EPHA3: variants seen among roughly 807,000 people sequenced by gnomAD.
The protein encoded by EPHA3 is EPH receptor A3.
Under a neutral mutation model 107.1 loss-of-function variants are expected in EPHA3, and 42 were observed. That is an observed-to-expected ratio of 0.39 (90% confidence interval 0.31 to 0.51). The LOEUF is 0.51. Among genes scored for constraint, EPHA3 ranks in the 20% least tolerant of loss-of-function variants. The pLI, the probability that EPHA3 is intolerant of heterozygous loss-of-function variation, is 0.78. For synonymous variants in EPHA3, 461 were observed against 424.8 expected (o/e 1.09, Z -1.05); for missense variants, 1,183 against 1,211.2 (o/e 0.98, Z 0.35).
At chr3:89,432,556 C>T (rs1264939571) in intron 13 of EPHA3, among the ~76,000 whole-genome samples, 1 of 152,020 alleles carries the variant, frequency 6.6e-6, no homozygotes, top group Admixed American at 6.6e-5. Flanking sequence ...AGGCATGGAC[C>T]ACCAGCCCCA....
intron 3 of EPHA3, among the ~76,000 whole-genome samples, chr3:89,249,245 T>C (rs1234762432): frequency 1.3e-5 from 2 of 152,228 alleles, no homozygotes; most frequent in African/African-American, 4.8e-5. Flanking sequence ...CTCATTATTT[T>C]ATAAGAGCAC....
At chr3:89,386,455 T>C (rs1708625247) in intron 5 of EPHA3, among the ~76,000 whole-genome samples, 1 of 152,160 alleles carries the variant, frequency 6.6e-6, no homozygotes, top group South Asian at 2.1e-4. Context: ...CTTGGCAGCT[T>C]CTTCCTAGTG....
At position 89,210,441 on chromosome 3, in the gene EPHA3, T is replaced by C. The variant is rs749048039; in HGVS notation, c.735T>C (p.Ser245=). 1 of 1,611,768 alleles carries C rather than the reference T, an allele frequency of 6.2e-7. No individual in the cohort carries two copies. Among genetic ancestry groups the C allele is most frequent in the Non-Finnish European group, 8.5e-7 (1 of 1,179,038 alleles). The change falls in exon 3 of 17, where the codon AGT becomes AGC. Residue 245 remains serine (S), a synonymous_variant. Coordinates refer to ENST00000336596, the MANE Select transcript of EPHA3 (RefSeq NM_005233.6). Reference sequence around the variant, plus strand: ...AAGATCCTCCAAGGATGTACTGCAGTACAGAAGGCGAATGGCTTGTACCCA... The same window carrying C: ...AAGATCCTCCAAGGATGTACTGCAGCACAGAAGGCGAATGGCTTGTACCCA... The part of the protein sequence containing the change: ...KEEDPPRMYC[S]TEGEWLVPIG...
At chr3:89,223,148 T>C (rs1245480763) in intron 3 of EPHA3, among the ~76,000 whole-genome samples, 1 of 152,188 alleles carries the variant, frequency 6.6e-6, no homozygotes, top group Non-Finnish European at 1.5e-5. Context: ...CATGACAACA[T>C]GTATGCTGCT....
intron 1 of EPHA3, among the ~76,000 whole-genome samples, chr3:89,112,471 C>G (rs900718102): frequency 1.3e-5 from 2 of 151,922 alleles, no homozygotes; most frequent in Non-Finnish European, 2.9e-5. Flanking sequence ...ATTTTTAATA[C>G]TTTTCCACAA....
At chr3:89,162,213 A>G (rs1308287554) in intron 2 of EPHA3, among the ~76,000 whole-genome samples, 1 of 152,074 alleles carries the variant, frequency 6.6e-6, no homozygotes, top group Admixed American at 6.5e-5. Flanking sequence ...AAGTAAGACA[A>G]TCCTGGACAT....
At chr3:89,268,439 C>T (rs888453029) in intron 3 of EPHA3, among the ~76,000 whole-genome samples, 4 of 152,046 alleles carry the variant, frequency 2.6e-5, no homozygotes, top group Non-Finnish European at 5.9e-5. Context: ...AGTGCATTCT[C>T]AGAAATTTAA....
chr3:89,128,398 T>A (rs1249889836), intron 2 of EPHA3, among the ~76,000 whole-genome samples: 1 of 151,942 alleles, frequency 6.6e-6, no homozygotes, highest in Non-Finnish European at 1.5e-5. Context: ...TTCCCAGAGG[T>A]GTAAAAGGAA....
intron 3 of EPHA3, among the ~76,000 whole-genome samples, chr3:89,294,717 G>A (rs1366165509): frequency 3.3e-5 from 5 of 151,898 alleles, no homozygotes; most frequent in Non-Finnish European, 7.4e-5. Flanking sequence ...TCAGTATTTG[G>A]ACATATAGAG....
intron 5 of EPHA3, among the ~76,000 whole-genome samples, chr3:89,384,407 A>G (rs1708573225): frequency 6.6e-6 from 1 of 152,228 alleles, no homozygotes; most frequent in African/African-American, 2.4e-5. Context: ...AGTGAAAGAC[A>G]GAAACTTAAC....
intron 2 of EPHA3, among the ~76,000 whole-genome samples, chr3:89,178,221 C>T (rs577822127): frequency 6.7e-6 from 1 of 148,650 alleles, no homozygotes; most frequent in East Asian, 2.0e-4. Flanking sequence ...ATTTTAAGGG[C>T]TTATAATCAA....
chr3:89,442,337 T>C (rs2107547198), intron 13 of EPHA3, among the ~76,000 whole-genome samples: 1 of 152,282 alleles, frequency 6.6e-6, no homozygotes, highest in South Asian at 2.1e-4. Flanking sequence ...CCCTAGAAAG[T>C]TGATTTCACT....
At chr3:89,197,970 T>A (rs1705885191) in intron 2 of EPHA3, among the ~76,000 whole-genome samples, 1 of 151,954 alleles carries the variant, frequency 6.6e-6, no homozygotes, top group African/African-American at 2.4e-5. Flanking sequence ...AGCAAGACCC[T>A]GTCTCAAAAA....
chr3:89,417,854 C>A (rs535393306), intron 10 of EPHA3, among the ~76,000 whole-genome samples: 1 of 151,436 alleles, frequency 6.6e-6, no homozygotes, highest in South Asian at 2.1e-4. Context: ...TGAATATCTG[C>A]TTTTGGATTT....
chr3:89,395,483 A>G (rs1313538925), intron 5 of EPHA3, among the ~76,000 whole-genome samples: 1 of 152,204 alleles, frequency 6.6e-6, no homozygotes, highest in Admixed American at 6.5e-5. Context: ...ACAAATAGGT[A>G]GTCCTGATGT....
rs536838743 is a variant in EPHA3 at position 89,369,733 on chromosome 3, G to A, written c.1307-26104G>A. On this transcript the variant is annotated intron_variant, in intron 5 of 16. Transcript: ENST00000336596. ...AGTGAACAGGCAACCTACAAAATGG[G>A]AGAAAATTTTCGCAACCTACTCATC... Among the ~76,000 whole-genome samples, 462 of 147,932 alleles carry A rather than the reference G, an allele frequency of 3.1e-3. 9 individuals carry two copies. The highest frequency in any genetic ancestry group is 6.8e-3 in the Middle Eastern group (2 of 294).
At chr3:89,215,600 C>G (rs1704204536) in intron 3 of EPHA3, among the ~76,000 whole-genome samples, 1 of 151,818 alleles carries the variant, frequency 6.6e-6, no homozygotes, top group African/African-American at 2.4e-5. Flanking sequence ...AAATTCATAT[C>G]TAAGCATTTG....
At chr3:89,410,524 A>G (rs1441864862) in intron 9 of EPHA3, among the ~76,000 whole-genome samples, 1 of 152,034 alleles carries the variant, frequency 6.6e-6, no homozygotes, top group Admixed American at 6.6e-5. Flanking sequence ...ATAATTATGT[A>G]CAAAACAGTT....
chr3:89,281,760 A>G (rs1705953541), intron 3 of EPHA3, among the ~76,000 whole-genome samples: 1 of 152,210 alleles, frequency 6.6e-6, no homozygotes, highest in Non-Finnish European at 1.5e-5. Context: ...CCTTTCTGCA[A>G]CAAATCTTGT....
Sources: gnomAD v4.1 joint callset for allele counts (sites outside exome capture counted in the v4.1 genomes callset) on GRCh38, gnomAD v4.1.1 for gene constraint, MANE v1.5 for transcripts, NCBI Gene and HGNC (gene_info 2026-07-23, HGNC 2026-07-21) for gene names.